The following ERC2 variants were observed in gnomAD, a reference collection of about 807,000 sequenced individuals.
ERC2 encodes the protein ERC protein 2.
ERC2 carries 42 observed loss-of-function variants against 114.8 expected under a neutral mutation model. That is an observed-to-expected ratio of 0.37 (90% CI 0.29 to 0.47). The LOEUF (loss-of-function observed/expected upper bound fraction) is 0.47. Ranked by LOEUF, ERC2 falls within the 20% of genes least tolerant of loss-of-function variation. The probability of loss-of-function intolerance (pLI) is 0.99; values close to 1 mark genes in which losing one functional copy is unlikely to be tolerated. For missense variants in ERC2, 939 were observed against 1,150.7 expected, an observed-to-expected ratio of 0.82 and a Z score of 2.66; for synonymous variants, 454 against 425.5, an observed-to-expected ratio of 1.07 and a Z score of -0.82.
rs192686438 is a variant in ERC2, at chr3:55,585,600, A to C, written c.*40-74324T>G. On this transcript the variant is annotated intron_variant, in intron 17 of 17. Transcript: ENST00000288221. ...CTTTTGCATAGGGTGTGGCTCAAAA[A>C]CAAGCAAGATTTCTATTTGAATTAC... Among the ~76,000 whole-genome samples, 4 of 152,308 alleles carry C rather than the reference A, an allele frequency of 2.6e-5. No homozygotes were observed. The East Asian group carries it at 7.7e-4, about 29-fold the overall frequency.
chr3:56,197,060 T>A (rs2150084672), intron 3 of ERC2, among the ~76,000 whole-genome samples: 1 of 152,058 alleles, frequency 6.6e-6, no homozygotes, highest in African/African-American at 2.4e-5. Flanking sequence ...CCATGTCAGG[T>A]GTGAAAAAAG....
intron 15 of ERC2, among the ~76,000 whole-genome samples, chr3:55,715,027 C>G (rs1043210677): frequency 6.6e-6 from 1 of 152,016 alleles, no homozygotes; most frequent in African/African-American, 2.4e-5. Context: ...TGAACTACAA[C>G]AGTCCATTCA....
chr3:55,594,986 A>G (rs2058064416), intron 17 of ERC2, among the ~76,000 whole-genome samples: 1 of 151,896 alleles, frequency 6.6e-6, no homozygotes, highest in South Asian at 2.1e-4. Context: ...TACCTTCATC[A>G]TCACTGTCAA....
intron 3 of ERC2, among the ~76,000 whole-genome samples, chr3:56,270,994 A>AAAAC (rs764960798): frequency 6.6e-6 from 1 of 152,178 alleles, no homozygotes; most frequent in African/African-American, 2.4e-5. Context: ...AAAACAAAAC[A>AAAAC]AAACAAACAA....
intron 7 of ERC2, among the ~76,000 whole-genome samples, chr3:56,059,350 A>G (rs1011308108): frequency 3.3e-5 from 5 of 152,070 alleles, no homozygotes; most frequent in African/African-American, 9.7e-5. Flanking sequence ...CGGCCTCCCA[A>G]AGTGCTAAGA....
chr3:55,538,673 A>G (rs1387905663), intron 17 of ERC2, among the ~76,000 whole-genome samples: 1 of 152,244 alleles, frequency 6.6e-6, no homozygotes, highest in African/African-American at 2.4e-5. Flanking sequence ...CCTCAGGCAA[A>G]AAATAAAGAC....
chr3:55,614,526 C>T (rs2059046080), intron 17 of ERC2, among the ~76,000 whole-genome samples: 1 of 152,016 alleles, frequency 6.6e-6, no homozygotes, highest in African/African-American at 2.4e-5. Flanking sequence ...AAAAACTACC[C>T]ATATTTTTTC....
chr3:56,073,479 T>TAAGCCTCTGTTACA (rs1393150772), intron 7 of ERC2, among the ~76,000 whole-genome samples: 1 of 152,218 alleles, frequency 6.6e-6, no homozygotes, highest in Non-Finnish European at 1.5e-5. Flanking sequence ...AGGGAGGTTC[T>TAAGCCTCTGTTACA]AAGCCTCTGT....
At chr3:55,531,140 C>T (rs188218661) in intron 17 of ERC2, among the ~76,000 whole-genome samples, 48 of 152,192 alleles carry the variant, frequency 3.2e-4, no homozygotes, top group African/African-American at 1.2e-3. Flanking sequence ...ATGGAAGGAA[C>T]CAGGAGGAAA....
chr3:55,700,848 G>A (rs1270245782), intron 15 of ERC2, among the ~76,000 whole-genome samples: 3 of 152,056 alleles, frequency 2.0e-5, no homozygotes, highest in Non-Finnish European at 4.4e-5. Flanking sequence ...CTAGAATCTC[G>A]CATAGGGCCT....
At chr3:56,191,440 C>T (rs1019321192) in intron 3 of ERC2, among the ~76,000 whole-genome samples, 1 of 152,146 alleles carries the variant, frequency 6.6e-6, no homozygotes, top group Non-Finnish European at 1.5e-5. Context: ...CTCTCTATGC[C>T]TGAGCCAGTT....
chr3:55,545,496 C>T (rs1188734122), intron 17 of ERC2, among the ~76,000 whole-genome samples: 1 of 152,180 alleles, frequency 6.6e-6, no homozygotes, highest in Non-Finnish European at 1.5e-5. Context: ...GGATGGGTCA[C>T]AGGAGTGCCA....
intron 7 of ERC2, among the ~76,000 whole-genome samples, chr3:56,047,099 T>A (rs2075511110): frequency 6.6e-6 from 1 of 152,238 alleles, no homozygotes; most frequent in African/African-American, 2.4e-5. Flanking sequence ...AGGCTAGTCT[T>A]GTTCTGAAAT....
At chr3:55,960,790 T>C (rs1559937342) in intron 12 of ERC2, among the ~76,000 whole-genome samples, 1 of 152,246 alleles carries the variant, frequency 6.6e-6, no homozygotes, top group Non-Finnish European at 1.5e-5. Context: ...AAATAGATTA[T>C]ATCTTCCTCC....
chr3:56,434,689 C>G lies in ERC2; in HGVS notation c.319G>C (p.Ala107Pro). 3 of 1,613,998 alleles carry G rather than the reference C, an allele frequency of 1.9e-6. No homozygotes were observed. The Middle Eastern group carries it at 4.9e-4, about 266-fold the overall frequency. Residue 107 changes from alanine (A) to proline (P), a missense_variant, in exon 2 of 18, where the codon GCT becomes CCT. Around this residue, in one of 5 missense-constraint regions of ERC2, gnomAD observed 281 missense variants for 307.4 expected, o/e 0.91. Coordinates refer to ENST00000288221, the MANE Select transcript of ERC2 (RefSeq NM_015576.3). Reference protein sequence around the residue: ...AMGSSPNIASAGLSHTDVLSY... With the variant: ...AMGSSPNIASPGLSHTDVLSY... ...AGGACATCTGTGTGGGAAAGTCCAG[C>G]AGAAGCAATATTGGGACTACTCCCC... is the stretch of plus-strand genomic sequence containing the variant.
intron 17 of ERC2, among the ~76,000 whole-genome samples, chr3:55,608,499 C>A (rs1182576059): frequency 6.6e-6 from 1 of 152,194 alleles, no homozygotes; most frequent in East Asian, 1.9e-4. Context: ...TTTAAGGAAG[C>A]CCTTTCCTTC....
chr3:56,212,546 A>G (rs981293841), intron 3 of ERC2, among the ~76,000 whole-genome samples: 1 of 152,178 alleles, frequency 6.6e-6, no homozygotes, highest in African/African-American at 2.4e-5. Flanking sequence ...AACAGTGTGG[A>G]GATTCCTTAA....
intron 17 of ERC2, among the ~76,000 whole-genome samples, chr3:55,520,149 C>A (rs1230245736): frequency 6.6e-6 from 1 of 151,964 alleles, no homozygotes; most frequent in East Asian, 1.9e-4. Context: ...AAATGCCAAA[C>A]AGGCTCAAGA....
intron 6 of ERC2, among the ~76,000 whole-genome samples, chr3:56,095,229 C>G (rs2077997602): frequency 6.6e-6 from 1 of 150,810 alleles, no homozygotes; most frequent in African/African-American, 2.4e-5. Flanking sequence ...GACATGGGCT[C>G]AAAAACAAAA....
Sources: gnomAD v4.1 joint callset for allele counts (sites outside exome capture counted in the v4.1 genomes callset) on GRCh38, gnomAD v4.1.1 for gene constraint, gnomAD v4.1.1 regional missense constraint, MANE v1.5 for transcripts, NCBI Gene and HGNC (gene_info 2026-07-23, HGNC 2026-07-21) for gene names.